PAX7: variants seen among roughly 807,000 people sequenced by gnomAD.
PAX7 encodes paired box 7.
Under a neutral mutation model 50.7 loss-of-function variants are expected in PAX7, and 18 were observed. The observed-to-expected ratio is 0.36, with a 90% CI of 0.25 to 0.53. The LOEUF (loss-of-function observed/expected upper bound fraction) is 0.53. Among genes scored for constraint, PAX7 ranks in the 20% least tolerant of loss-of-function variants. The probability of loss-of-function intolerance (pLI) is 0.93; values close to 1 mark genes in which losing one functional copy is unlikely to be tolerated. For synonymous variants in PAX7, 310 were observed against 290.4 expected (o/e 1.07, Z -0.69); for missense variants, 644 against 702.9 (o/e 0.92, Z 0.95).
chr1:18,747,077 A>C lies in PAX7; in HGVS notation c.*2148A>C, dbSNP rs955566498. ...TTTGTAGCTATCACAGCAGAAAGCA[A>C]CTCTTCCTGAAGACCAAACACTCGT... On this transcript the variant is annotated 3_prime_UTR_variant, in exon 9 of 9. Transcript: ENST00000420770. 3 of 229,348 alleles carry C rather than the reference A, an allele frequency of 1.3e-5. No individual in the cohort carries two copies. The highest frequency in any genetic ancestry group is 6.7e-5 in the African/African-American group (3 of 45,044). The allele number at this position is 229,348 out of a possible 1,614,324, so 14.2% of individuals were successfully genotyped here. A position where few individuals can be genotyped will look rare whatever the true frequency, so the allele number is the denominator to read the frequency against.
At chr1:18,686,764 G>C (rs1475291804) in intron 4 of PAX7, among the ~76,000 whole-genome samples, 1 of 152,014 alleles carries the variant, frequency 6.6e-6, no homozygotes, top group Non-Finnish European at 1.5e-5. Context: ...CTTTGACCCT[G>C]TACTCCCCGC....
intron 7 of PAX7, among the ~76,000 whole-genome samples, chr1:18,733,202 C>G (rs1181783513): frequency 6.6e-6 from 1 of 152,060 alleles, no homozygotes; most frequent in Admixed American, 6.5e-5. Context: ...TCTTGACAGA[C>G]AGAAAGCAAC....
chr1:18,678,836 AGGGT>A (rs1166204588), intron 4 of PAX7, among the ~76,000 whole-genome samples: 2 of 152,122 alleles, frequency 1.3e-5, no homozygotes, highest in African/African-American at 4.8e-5. Flanking sequence ...GTGGCTCTGC[AGGGT>A]GGGCATGTTT....
At chr1:18,667,346 G>A (rs1399030066) in intron 4 of PAX7, among the ~76,000 whole-genome samples, 1 of 151,102 alleles carries the variant, frequency 6.6e-6, no homozygotes, top group East Asian at 2.0e-4. Flanking sequence ...TCTTCAGAGA[G>A]TGGAAGGAAG....
intron 5 of PAX7, among the ~76,000 whole-genome samples, chr1:18,692,367 C>T (rs1290725335): frequency 6.6e-6 from 1 of 152,034 alleles, no homozygotes; most frequent in African/African-American, 2.4e-5. Context: ...CATGGTGAAA[C>T]CCCATCTCTA....
intron 4 of PAX7, among the ~76,000 whole-genome samples, chr1:18,685,557 C>G (rs1407843842): frequency 2.0e-5 from 3 of 152,000 alleles, no homozygotes; most frequent in Non-Finnish European, 4.4e-5. Flanking sequence ...GGGAGGTGGC[C>G]CAAGAGCTGG....
At chr1:18,640,612 T>C (rs1370178089) in intron 4 of PAX7, among the ~76,000 whole-genome samples, 1 of 152,182 alleles carries the variant, frequency 6.6e-6, no homozygotes, top group African/African-American at 2.4e-5. Context: ...TAGAGAAAGG[T>C]AATTGACACT....
chr1:18,674,061 A>G (rs1365725593), intron 4 of PAX7, among the ~76,000 whole-genome samples: 1 of 152,230 alleles, frequency 6.6e-6, no homozygotes, highest in Non-Finnish European at 1.5e-5. Context: ...CTTGAAGAGC[A>G]AACTATTTGG....
chr1:18,703,379 C>T, intron 7 of PAX7, 83 bp downstream of exon 7: 4 of 1,262,340 alleles, frequency 3.2e-6, no homozygotes, highest in Admixed American at 1.7e-5. Context: ...GGAAGCCTTG[C>T]GCTCTTTCCT....
intron 4 of PAX7, among the ~76,000 whole-genome samples, chr1:18,644,664 G>A (rs2088310445): frequency 2.0e-5 from 3 of 152,064 alleles, no homozygotes; most frequent in African/African-American, 7.2e-5. Flanking sequence ...CTCAAAATGA[G>A]GACATGGGGC....
At chr1:18,649,676 A>G (rs1224161213) in intron 4 of PAX7, among the ~76,000 whole-genome samples, 1 of 152,166 alleles carries the variant, frequency 6.6e-6, no homozygotes, top group Non-Finnish European at 1.5e-5. Context: ...GCTAGATGCC[A>G]CAAACTTGGC....
intron 8 of PAX7, among the ~76,000 whole-genome samples, chr1:18,743,056 C>A (rs200150782): frequency 1.3e-5 from 2 of 152,192 alleles, no homozygotes; most frequent in East Asian, 3.8e-4. Flanking sequence ...CATCAAAGGC[C>A]ATGTTTACTT....
intron 4 of PAX7, among the ~76,000 whole-genome samples, chr1:18,649,358 T>C (rs1339800660): frequency 6.6e-6 from 1 of 152,102 alleles, no homozygotes; most frequent in Non-Finnish European, 1.5e-5. Context: ...AAAGTTCTGA[T>C]TCACAGAGGG....
At chr1:18,704,744 T>C (rs768370830) in intron 7 of PAX7, among the ~76,000 whole-genome samples, 2 of 152,074 alleles carry the variant, frequency 1.3e-5, no homozygotes, top group Non-Finnish European at 2.9e-5. Context: ...TTCCCAAGAA[T>C]GTTAATTTTC....
intron 4 of PAX7, among the ~76,000 whole-genome samples, chr1:18,681,190 AAG>A (rs1265463610): frequency 2.6e-4 from 34 of 132,044 alleles, no homozygotes; most frequent in Admixed American, 6.3e-4. Context: ...AAAAAAAAAA[AAG>A]ATTTTGAGCT....
At position 18,747,927 on chromosome 1, in the gene PAX7, G is replaced by C; in HGVS notation, c.*2998G>C. 1 of 197,638 alleles carries C rather than the reference G, an allele frequency of 5.1e-6. No homozygotes were observed. Among genetic ancestry groups the C allele is most frequent in the Non-Finnish European group, 1.0e-5 (1 of 95,316 alleles). The allele number at this position is 197,638 out of a possible 1,614,324, so 12.2% of individuals were successfully genotyped here. A position where few individuals can be genotyped will look rare whatever the true frequency, so the allele number is the denominator to read the frequency against. ...TTCAAATTATGCATTCCAGGCTCTAGTGGGTTCTTTCAATCTTGTTCCTTT... is the reference window on the plus strand; with the variant it reads ...TTCAAATTATGCATTCCAGGCTCTACTGGGTTCTTTCAATCTTGTTCCTTT... On this transcript the variant is annotated 3_prime_UTR_variant, in exon 9 of 9. Transcript: ENST00000420770.
rs1421499664 is a variant in PAX7 at position 18,634,721 on chromosome 1, T to C, written c.321+183T>C. ...TGAATTTCTCAGAGATGGAGCTAAG[T>C]GAGGTCTAGGTTGTGCAAGACCTTG... On this transcript the variant is annotated intron_variant, in intron 2 of 8. Transcript: ENST00000420770. The surrounding 1 kb of genome is among the most constrained non-coding windows in gnomAD (Gnocchi z 4.0). Among the ~76,000 whole-genome samples, 1 of 152,218 alleles carries C rather than the reference T, an allele frequency of 6.6e-6. No individual in the cohort carries two copies. Among genetic ancestry groups the C allele is most frequent in the Non-Finnish European group, 1.5e-5 (1 of 68,030 alleles).
intron 4 of PAX7, among the ~76,000 whole-genome samples, chr1:18,689,235 C>T (rs573655): frequency 0.7 from 106,244 of 152,116 alleles, 37,293 homozygotes; most frequent in Middle Eastern, 0.76. Context: ...GGCTGGCTTC[C>T]GTTGTCACCG....
intron 4 of PAX7, among the ~76,000 whole-genome samples, chr1:18,652,660 C>T (rs932816190): frequency 1.3e-5 from 2 of 152,258 alleles, no homozygotes; most frequent in South Asian, 4.2e-4. Context: ...GTGTTAAGTG[C>T]TTTACATTAA....
Sources: allele counts gnomAD v4.1 joint callset (sites outside exome capture counted in the v4.1 genomes callset), GRCh38; gene constraint gnomAD v4.1.1; non-coding constraint Gnocchi (gnomAD v3.1); transcripts MANE v1.5; gene names NCBI Gene and HGNC (gene_info 2026-07-23, HGNC 2026-07-21).